PDS5A: variants seen among roughly 807,000 people sequenced by gnomAD.
The protein encoded by PDS5A is PDS5 cohesin associated factor A.
A neutral mutation model predicts 167.1 loss-of-function variants in PDS5A; 42 were observed. That is an observed-to-expected ratio of 0.25 (90% CI 0.20 to 0.33). PDS5A has a LOEUF of 0.33. Ranked by LOEUF, PDS5A falls within the 10% of genes least tolerant of loss-of-function variation. The pLI is 1.00. For missense variants in PDS5A, 1,033 were observed against 1,605.9 expected, an observed-to-expected ratio of 0.64 and a Z score of 6.10; for synonymous variants, 553 against 554.6, an observed-to-expected ratio of 1.00 and a Z score of 0.04.
At chr4:39,884,077 T>C (rs895923100) in intron 17 of PDS5A, among the ~76,000 whole-genome samples, 1 of 152,064 alleles carries the variant, frequency 6.6e-6, no homozygotes, top group Non-Finnish European at 1.5e-5. Context: ...TACAGTTGCG[T>C]GCCACCACGT....
At chr4:39,938,686 G>A (rs1363375631) in intron 2 of PDS5A, among the ~76,000 whole-genome samples, 1 of 151,692 alleles carries the variant, frequency 6.6e-6, no homozygotes. Context: ...TACTATATAA[G>A]TTAGGCCAGG....
intron 2 of PDS5A, among the ~76,000 whole-genome samples, chr4:39,968,480 T>C (rs1247117802): frequency 6.6e-6 from 1 of 151,422 alleles, no homozygotes; most frequent in Non-Finnish European, 1.5e-5. Flanking sequence ...TTGCCCAGGC[T>C]GGAGTGCAAT....
At chr4:39,830,265 C>A (rs963052486) in intron 32 of PDS5A, among the ~76,000 whole-genome samples, 5 of 152,164 alleles carry the variant, frequency 3.3e-5, no homozygotes, top group Non-Finnish European at 7.3e-5. Context: ...TCATGGCCCA[C>A]TGGAGCTATG....
chr4:39,879,274 G>A (rs942798374), intron 18 of PDS5A, among the ~76,000 whole-genome samples: 2 of 152,066 alleles, frequency 1.3e-5, no homozygotes, highest in Non-Finnish European at 2.9e-5. Context: ...AGTGGCACTC[G>A]ACAATCTGGA....
At chr4:39,861,040 G>C (rs886704032) in intron 26 of PDS5A, among the ~76,000 whole-genome samples, 5 of 151,528 alleles carry the variant, frequency 3.3e-5, no homozygotes, top group African/African-American at 1.2e-4. Context: ...CTTCAGCCCG[G>C]GGGATAGAGT....
At chr4:39,962,249 G>C (rs989747038) in intron 2 of PDS5A, among the ~76,000 whole-genome samples, 9 of 151,834 alleles carry the variant, frequency 5.9e-5, no homozygotes, top group Admixed American at 4.6e-4. Flanking sequence ...GTAGAGACGG[G>C]GTTTCACTGT....
At chr4:39,975,078 G>A (rs1378871240) in intron 2 of PDS5A, among the ~76,000 whole-genome samples, 1 of 139,750 alleles carries the variant, frequency 7.2e-6, no homozygotes, top group Non-Finnish European at 1.5e-5. Flanking sequence ...CTGCACTCCA[G>A]CCTAGGTGAC....
At chr4:39,914,599 A>C (rs1047126022) in intron 8 of PDS5A, among the ~76,000 whole-genome samples, 1 of 152,246 alleles carries the variant, frequency 6.6e-6, no homozygotes. Context: ...ACTATAAAAA[A>C]GCAAAACTTC....
chr4:39,936,594 A>T (rs1560499202), intron 2 of PDS5A, among the ~76,000 whole-genome samples: 1 of 151,124 alleles, frequency 6.6e-6, no homozygotes, highest in Admixed American at 6.6e-5. Flanking sequence ...CATCTGGCTA[A>T]TTTTTTTTAT....
chr4:39,858,416 T>C (rs976525547), intron 26 of PDS5A, among the ~76,000 whole-genome samples: 3 of 152,202 alleles, frequency 2.0e-5, no homozygotes, highest in Admixed American at 6.5e-5. Context: ...CTTGCATATA[T>C]GGTCAGTTGA....
rs563537621 is a variant in PDS5A, at chr4:39,926,528, A to G, written c.429+247T>C. Among the ~76,000 whole-genome samples, 6 of 151,814 alleles carry G rather than the reference A, an allele frequency of 4.0e-5. No individual in the cohort carries two copies. The South Asian group carries it at 1.0e-3, about 26-fold the overall frequency. ...AGTGAAACTACGTCTCAAAAAAAAA[A>G]AAAGAAAGAAATAGATACAAACAAA... On this transcript the variant is annotated intron_variant, in intron 4 of 32. Transcript: ENST00000303538.
intron 32 of PDS5A, among the ~76,000 whole-genome samples, chr4:39,832,372 C>A (rs1715983298): frequency 6.6e-6 from 1 of 151,708 alleles, no homozygotes; most frequent in Admixed American, 6.6e-5. Flanking sequence ...TGCCACCACG[C>A]CTGGCTAATT....
At chr4:39,926,299 A>C (rs1725458845) in intron 4 of PDS5A, among the ~76,000 whole-genome samples, 1 of 152,130 alleles carries the variant, frequency 6.6e-6, no homozygotes, top group South Asian at 2.1e-4. Context: ...AGGTGGGCGG[A>C]TCACCTGAGG....
intron 23 of PDS5A, among the ~76,000 whole-genome samples, chr4:39,865,682 C>T (rs1719382133): frequency 1.3e-5 from 2 of 152,302 alleles, no homozygotes; most frequent in South Asian, 2.1e-4. Flanking sequence ...CGTACCACCA[C>T]ACCTGGCTAA....
At chr4:39,940,119 G>A (rs541019419) in intron 2 of PDS5A, among the ~76,000 whole-genome samples, 4 of 151,614 alleles carry the variant, frequency 2.6e-5, no homozygotes, top group South Asian at 2.1e-4. Context: ...TTAGCCGGGC[G>A]TGGTGGCAGG....
intron 2 of PDS5A, among the ~76,000 whole-genome samples, chr4:39,929,961 A>AGGCC (rs1381126461): frequency 6.6e-6 from 1 of 151,074 alleles, no homozygotes; most frequent in East Asian, 1.9e-4. Context: ...CATGCCTGTA[A>AGGCC]TCCCAGCACT....
chr4:39,961,057 C>T (rs1170291614), intron 2 of PDS5A, among the ~76,000 whole-genome samples: 1 of 150,764 alleles, frequency 6.6e-6, no homozygotes, highest in Non-Finnish European at 1.5e-5. Flanking sequence ...CAATCCTCCA[C>T]CTCGCTCTCC....
intron 26 of PDS5A, among the ~76,000 whole-genome samples, chr4:39,861,642 G>A (rs12504295): frequency 0.22 from 33,561 of 152,076 alleles, 4,690 homozygotes; most frequent in Middle Eastern, 0.33. Context: ...CACCCAGGCT[G>A]GCATGCAGTG....
In PDS5A at chr4:39,833,186, C is replaced by T. The variant is rs1456271675; in HGVS notation, c.4010+4670G>A. Among the ~76,000 whole-genome samples, 13 of 61,728 alleles carry T rather than the reference C, an allele frequency of 2.1e-4. No homozygotes were observed. The South Asian group carries it at 2.5e-3, about 12-fold the overall frequency. The allele number at this position is 61,728 out of a possible 152,430, so 40.5% of individuals were successfully genotyped here. ...AGCCTGGGCCACAAGAGTGAAACTC[C>T]GTCTCAAAAAAAAAAAAAAAAAAAA... On this transcript the variant is annotated intron_variant, in intron 32 of 32. Transcript: ENST00000303538.
Sources: allele counts gnomAD v4.1 joint callset (sites outside exome capture counted in the v4.1 genomes callset), GRCh38; gene constraint gnomAD v4.1.1; transcripts MANE v1.5; gene names NCBI Gene and HGNC (gene_info 2026-07-23, HGNC 2026-07-21).